RXFP1: variants seen among roughly 807,000 people sequenced by gnomAD.
RXFP1 encodes relaxin receptor 1.
A neutral mutation model predicts 89.8 loss-of-function variants in RXFP1; 73 were observed. The ratio of observed to expected loss-of-function variants is 0.81; its 90% CI spans 0.67 to 0.99. The LOEUF (loss-of-function observed/expected upper bound fraction) is 0.99. Among genes scored for constraint, RXFP1 ranks in the 50% least tolerant of loss-of-function variants. RXFP1 has a pLI of 0.00. For synonymous variants in RXFP1, 277 were observed against 305.5 expected, an observed-to-expected ratio of 0.91 and a Z score of 0.97; for missense variants, 793 against 895.5, an observed-to-expected ratio of 0.89 and a Z score of 1.46.
chr4:158,644,487 G>T lies in RXFP1; in HGVS notation c.1116-422G>T, dbSNP rs191416659. Among the ~76,000 whole-genome samples the T allele has an allele frequency of 1.4e-4, 21 of 151,456 alleles. No individual in the cohort carries two copies. The East Asian group carries it at 4.1e-3, about 30-fold the overall frequency. On this transcript the variant is annotated intron_variant, in intron 14 of 17. Coordinates refer to ENST00000307765, the MANE Select transcript of RXFP1 (RefSeq NM_021634.4). ...CATAACTTCAATAACAAAAAGCCAC[G>T]GAAGCACAGAAAAGAAAACACTTAA...
At chr4:158,569,841 C>A (rs1007949237) in intron 1 of RXFP1, among the ~76,000 whole-genome samples, 1 of 151,940 alleles carries the variant, frequency 6.6e-6, no homozygotes, top group Non-Finnish European at 1.5e-5. Flanking sequence ...TTAAAGCATT[C>A]GAAACAATTG....
At chr4:158,627,955 G>T (rs997214152) in intron 10 of RXFP1, among the ~76,000 whole-genome samples, 4 of 152,114 alleles carry the variant, frequency 2.6e-5, no homozygotes, top group African/African-American at 9.7e-5. Flanking sequence ...CAGGTGTTGT[G>T]CTTTTAAGGT....
At chr4:158,644,790 C>A in intron 14 of RXFP1, 119 bp from the exon 15 acceptor site, 1 of 682,904 alleles carries the variant, frequency 1.5e-6, no homozygotes, top group Non-Finnish European at 2.5e-6. Flanking sequence ...TGTTTTAGTC[C>A]TCTCAATTTC....
chr4:158,597,934 C>A (rs1760948920), intron 3 of RXFP1, among the ~76,000 whole-genome samples: 1 of 152,146 alleles, frequency 6.6e-6, no homozygotes, highest in Non-Finnish European at 1.5e-5. Context: ...TTGTAAAGTT[C>A]TTGGCAGATA....
Position 158,575,751 on chromosome 4 carries a change from C to A in RXFP1, c.187+2916C>A, listed in dbSNP as rs11947859. On this transcript the variant is annotated intron_variant, in intron 2 of 17. Coordinates refer to ENST00000307765, the MANE Select transcript of RXFP1 (RefSeq NM_021634.4). ...AAATAAATGTTTATGTTTAAGCCAC[C>A]CAATCTATGATACTTAGTTATAGTA... is the stretch of plus-strand genomic sequence containing the variant. 3.4e-3 allele frequency among the ~76,000 whole-genome samples: 524 copies of A among 152,270 alleles called. 3 individuals carry two copies. Among genetic ancestry groups the A allele is most frequent in the African/African-American group, 0.012 (491 of 41,534 alleles).
intron 9 of RXFP1, among the ~76,000 whole-genome samples, chr4:158,624,866 TAAAC>T (rs1393802236): frequency 2.0e-5 from 3 of 152,026 alleles, no homozygotes; most frequent in South Asian, 2.1e-4. Context: ...AAACAGTAAA[TAAAC>T]AACCCAAGGT....
intron 14 of RXFP1, among the ~76,000 whole-genome samples, 181 bp downstream of exon 14, chr4:158,639,512 G>A (rs1769935828): frequency 6.6e-6 from 1 of 152,148 alleles, no homozygotes; most frequent in Non-Finnish European, 1.5e-5. Flanking sequence ...CAAGGAGGTA[G>A]GGCCTTTGGG....
intron 12 of RXFP1, among the ~76,000 whole-genome samples, chr4:158,637,692 C>A (rs964013459): frequency 4.6e-5 from 7 of 152,142 alleles, no homozygotes; most frequent in Admixed American, 2.6e-4. Context: ...GTTGTCTCCT[C>A]ACTCTGTTGA....
chr4:158,544,249 A>T (rs1747607973), intron 1 of RXFP1: 2 of 985,306 alleles, frequency 2.0e-6, no homozygotes, highest in African/African-American at 1.7e-5. Flanking sequence ...ATGTCTATTT[A>T]CATACATCAT....
At chr4:158,564,057 T>C (rs1579642182) in intron 1 of RXFP1, among the ~76,000 whole-genome samples, 2 of 151,874 alleles carry the variant, frequency 1.3e-5, no homozygotes, top group East Asian at 3.9e-4. Context: ...AGGTCTGATC[T>C]TAGAAATTTT....
At chr4:158,626,531 G>C (rs963168514) in intron 9 of RXFP1, among the ~76,000 whole-genome samples, 2 of 151,964 alleles carry the variant, frequency 1.3e-5, no homozygotes, top group Non-Finnish European at 2.9e-5. Context: ...CATAACAAAT[G>C]TTTTCAATTT....
chr4:158,628,754 G>C, intron 11 of RXFP1, 45 bp downstream of exon 11: 2 of 1,032,142 alleles, frequency 1.9e-6, no homozygotes, highest in Non-Finnish European at 2.9e-6. Flanking sequence ...TCTTTCTACT[G>C]TTTTTTCACA....
Position 158,652,040 on chromosome 4 carries a change from C to A in RXFP1, c.2259C>A (p.Leu753=). The part of the protein sequence containing the change: ...EMSLISQSTR[L]NSYS ...CACTGATTTCTCAATCAACGAGACT[C>A]AATTCCTATTCATGACTGACTCTGA... The change falls in exon 18 of 18, where the codon CTC becomes CTA. Residue 753 remains leucine, a synonymous_variant. Coordinates refer to ENST00000307765, the MANE Select transcript of RXFP1 (RefSeq NM_021634.4). 2 of 1,611,222 alleles carry A rather than the reference C, an allele frequency of 1.2e-6. No homozygotes were observed. The highest frequency in any genetic ancestry group is 8.5e-7 in the Non-Finnish European group (1 of 1,178,146).
chr4:158,530,966 T>G (rs9307978), intron 1 of RXFP1, among the ~76,000 whole-genome samples: 1 of 152,124 alleles, frequency 6.6e-6, no homozygotes, highest in African/African-American at 2.4e-5. Flanking sequence ...TTTCAAAGTT[T>G]CTATGCTAGT....
rs565469555 is a variant in RXFP1, at chr4:158,623,998, A to G, written c.756-2822A>G. On this transcript the variant is annotated intron_variant, in intron 9 of 17. Transcript: ENST00000307765. ...TCTAGATTTTTTTTTCCTGGGGGGAAAAAACCCCAACAACTCTGCGTATTT... is the reference window on the plus strand; with the variant it reads ...TCTAGATTTTTTTTTCCTGGGGGGAGAAAACCCCAACAACTCTGCGTATTT... 2.6e-5 allele frequency among the ~76,000 whole-genome samples: 4 copies of G among 152,226 alleles called. No homozygotes were observed. The East Asian group carries it at 5.8e-4, about 22-fold the overall frequency.
At chr4:158,630,950 G>A (rs193042609) in intron 11 of RXFP1, among the ~76,000 whole-genome samples, 5 of 152,328 alleles carry the variant, frequency 3.3e-5, no homozygotes, top group Admixed American at 6.5e-5. Flanking sequence ...TCTTTGCCAC[G>A]TGGGTGACTT....
Position 158,612,189 on chromosome 4 carries a change from G to A in RXFP1, c.596G>A (p.Arg199Lys). The A allele has an allele frequency of 6.2e-7, 1 of 1,611,964 alleles. No individual in the cohort carries two copies. Among genetic ancestry groups the A allele is most frequent in the Non-Finnish European group, 8.5e-7 (1 of 1,179,140 alleles). The change falls in exon 7 of 18, where the codon AGA (arginine) becomes AAA (lysine). Residue 199 changes from arginine (R) to lysine (K), a missense_variant. Coordinates refer to ENST00000307765, the MANE Select transcript of RXFP1 (RefSeq NM_021634.4). ...CCGGGTGTTTTTGAAGATCTTCACA[G>A]ACTAGAATGGCTGTATGTTTAATTT... The part of the protein sequence containing the change: ...LKPGVFEDLH[R>K]LEWLIIEDNH...
At chr4:158,561,856 G>C (rs1752522305) in intron 1 of RXFP1, among the ~76,000 whole-genome samples, 1 of 152,056 alleles carries the variant, frequency 6.6e-6, no homozygotes, top group Non-Finnish European at 1.5e-5. Flanking sequence ...TAGAACTCCT[G>C]ACCTCAAGTG....
At chr4:158,635,526 G>A (rs1016096738) in intron 12 of RXFP1, among the ~76,000 whole-genome samples, 4 of 151,298 alleles carry the variant, frequency 2.6e-5, no homozygotes, top group South Asian at 4.2e-4. Flanking sequence ...TTTTCTTGCC[G>A]AATTGTTCTA....
Sources: allele counts gnomAD v4.1 joint callset (sites outside exome capture counted in the v4.1 genomes callset), GRCh38; gene constraint gnomAD v4.1.1; transcripts MANE v1.5; gene names NCBI Gene and HGNC (gene_info 2026-07-23, HGNC 2026-07-21).